The following KCNQ3 variants were observed in gnomAD, a reference collection of about 807,000 sequenced individuals.
KCNQ3 encodes potassium voltage-gated channel subfamily KQT member 3.
KCNQ3 carries 30 observed loss-of-function variants against 92.5 expected under a neutral mutation model. The observed-to-expected ratio is 0.32, with a 90% confidence interval of 0.24 to 0.44. KCNQ3 has a LOEUF of 0.44. KCNQ3 is among the 20% of genes least tolerant of loss of function. The pLI is 1.00. For synonymous variants in KCNQ3, 450 were observed against 468.8 expected (o/e 0.96, Z 0.52); for missense variants, 913 against 1,140.3 (o/e 0.80, Z 2.87).
intron 1 of KCNQ3, among the ~76,000 whole-genome samples, chr8:132,212,093 G>C (rs1813879838): frequency 6.6e-6 from 1 of 151,864 alleles, no homozygotes; most frequent in Non-Finnish European, 1.5e-5. Flanking sequence ...CACATTTTTT[G>C]CTACTTGCTG....
intron 1 of KCNQ3, among the ~76,000 whole-genome samples, chr8:132,241,427 C>T (rs1035109628): frequency 6.7e-6 from 1 of 150,366 alleles, no homozygotes; most frequent in African/African-American, 2.4e-5. Context: ...GACGGAATTT[C>T]GCTCTTGTTG....
intron 13 of KCNQ3, among the ~76,000 whole-genome samples, chr8:132,133,783 A>ACAT (rs1259664784): frequency 4.6e-4 from 70 of 152,332 alleles, no homozygotes; most frequent in African/African-American, 1.7e-3. Context: ...TTTCTAAAGA[A>ACAT]CATCTTATTC....
chr8:132,239,984 A>G (rs533644916), intron 1 of KCNQ3, among the ~76,000 whole-genome samples: 2 of 152,262 alleles, frequency 1.3e-5, no homozygotes, highest in South Asian at 4.2e-4. Flanking sequence ...GTATTTAAAT[A>G]TTGATTCTGC....
chr8:132,150,746 A>C (rs1309588598), intron 9 of KCNQ3, among the ~76,000 whole-genome samples: 2 of 151,988 alleles, frequency 1.3e-5, no homozygotes, highest in East Asian at 3.9e-4. Context: ...TAGTACCTGG[A>C]GGTCAATAAT....
chr8:132,140,346 C>T lies in KCNQ3; in HGVS notation c.1466-168G>A. On this transcript the variant is annotated intron_variant, in intron 10 of 14. Transcript: ENST00000388996. ...TTCTCAAGCTGTGATGCTGTTCAGC[C>T]TTTCTTGGCACCCTCATTCTATTAC... 1.9e-5 allele frequency: 11 copies of T among 588,756 alleles called. No homozygotes were observed. The South Asian group carries it at 2.3e-4, about 12-fold the overall frequency. The allele number at this position is 588,756 out of a possible 1,614,324, so 36.5% of individuals were successfully genotyped here. A position where few individuals can be genotyped will look rare whatever the true frequency, so the allele number is the denominator to read the frequency against.
rs1333936211 is a variant in KCNQ3, at chr8:132,121,194, C to A, written c.*8068G>T. 1 of 152,084 alleles carries A rather than the reference C, an allele frequency of 6.6e-6. No homozygotes were observed. The highest frequency in any genetic ancestry group is 1.5e-5 in the Non-Finnish European group (1 of 68,002). 9.4% of individuals were successfully genotyped at this position (152,084 alleles called of 1,614,324 possible). ...GGGGTTAAAAAATACAATCCAAAAT[C>A]AAATATAATGGATTCATGTCACTGG... is the stretch of plus-strand genomic sequence containing the variant. On this transcript the variant is annotated 3_prime_UTR_variant, in exon 15 of 15. Transcript: ENST00000388996.
intron 1 of KCNQ3, among the ~76,000 whole-genome samples, chr8:132,360,997 A>T (rs1236380005): frequency 1.3e-5 from 2 of 152,228 alleles, no homozygotes; most frequent in Non-Finnish European, 2.9e-5. Flanking sequence ...TTATGGCCTC[A>T]GTCCAGAATG....
chr8:132,180,834 T>TAAAAAAAAAAAAAAA (rs1563791356), intron 3 of KCNQ3, among the ~76,000 whole-genome samples: 2 of 29,922 alleles, frequency 6.7e-5, no homozygotes, highest in Non-Finnish European at 1.7e-4. Flanking sequence ...AGAGAGAATG[T>TAAAAAAAAAAAAAAA]TAAAAAAAAA....
chr8:132,191,993 C>A (rs540990987), intron 1 of KCNQ3, among the ~76,000 whole-genome samples: 1 of 152,238 alleles, frequency 6.6e-6, no homozygotes, highest in South Asian at 2.1e-4. Flanking sequence ...CACTTGAGGT[C>A]CAAGTGGAAA....
At chr8:132,479,696 A>G (rs1378248912) in intron 1 of KCNQ3, among the ~76,000 whole-genome samples, 1 of 146,820 alleles carries the variant, frequency 6.8e-6, no homozygotes, top group Non-Finnish European at 1.5e-5. Context: ...CCCATCCCCA[A>G]CTAAACTCAG....
chr8:132,310,226 C>T (rs887605420), intron 1 of KCNQ3, among the ~76,000 whole-genome samples: 6 of 152,178 alleles, frequency 3.9e-5, no homozygotes, highest in South Asian at 2.1e-4. Context: ...TGAGACTGGC[C>T]GTGCAGACCC....
intron 1 of KCNQ3, among the ~76,000 whole-genome samples, chr8:132,471,471 A>G (rs999977968): frequency 6.6e-6 from 1 of 152,210 alleles, no homozygotes; most frequent in Non-Finnish European, 1.5e-5. Context: ...CAGATTAGAT[A>G]TGATCAAGAA....
intron 9 of KCNQ3, among the ~76,000 whole-genome samples, chr8:132,152,795 C>T (rs1825681256): frequency 6.6e-6 from 1 of 151,592 alleles, no homozygotes; most frequent in African/African-American, 2.4e-5. Flanking sequence ...AGGATACAAA[C>T]CCATGGCTGG....
intron 9 of KCNQ3, among the ~76,000 whole-genome samples, chr8:132,149,900 C>A (rs1326089859): frequency 6.6e-6 from 1 of 152,210 alleles, no homozygotes; most frequent in Non-Finnish European, 1.5e-5. Flanking sequence ...GAGAGTCCAG[C>A]TCTGTCCCAC....
intron 1 of KCNQ3, among the ~76,000 whole-genome samples, chr8:132,205,942 T>C (rs1384938538): frequency 6.6e-6 from 1 of 152,076 alleles, no homozygotes; most frequent in African/African-American, 2.4e-5. Flanking sequence ...TGCTCTTCCC[T>C]GGACCCAGGG....
chr8:132,351,587 T>C (rs966852274), intron 1 of KCNQ3, among the ~76,000 whole-genome samples: 8 of 152,158 alleles, frequency 5.3e-5, no homozygotes, highest in African/African-American at 1.7e-4. Context: ...GGGCTGGAAG[T>C]AGGCCCTCCC....
intron 1 of KCNQ3, among the ~76,000 whole-genome samples, chr8:132,443,888 C>T (rs546748707): frequency 1.3e-5 from 2 of 152,290 alleles, no homozygotes; most frequent in South Asian, 4.2e-4. Context: ...TCAACAACTA[C>T]TTTCACACAG....
At chr8:132,138,053 T>G in intron 11 of KCNQ3, 37 bp from the exon 12 acceptor site, 3 of 1,600,926 alleles carry the variant, frequency 1.9e-6, no homozygotes, top group Non-Finnish European at 2.5e-6. Flanking sequence ...GCATCCCATG[T>G]GGAGAGTGCG....
chr8:132,212,009 C>T (rs1327430810), intron 1 of KCNQ3, among the ~76,000 whole-genome samples: 1 of 151,736 alleles, frequency 6.6e-6, no homozygotes, highest in Non-Finnish European at 1.5e-5. Flanking sequence ...CAAGCCACGG[C>T]TAATAATTGG....
Sources: allele counts gnomAD v4.1 joint callset (sites outside exome capture counted in the v4.1 genomes callset), GRCh38; gene constraint gnomAD v4.1.1; transcripts MANE v1.5; gene names NCBI Gene and HGNC (gene_info 2026-07-23, HGNC 2026-07-21).